Variants in PHF20 observed in about 807,000 individuals in gnomAD.
PHF20 encodes PHD finger protein 20.
PHF20 carries 23 observed loss-of-function variants against 113.5 expected under a neutral mutation model. That is an observed-to-expected ratio of 0.20 (90% CI 0.15 to 0.29). The LOEUF (loss-of-function observed/expected upper bound fraction) is 0.29, where lower values mean the gene tolerates loss of function less well. Ranked by LOEUF, PHF20 falls within the 10% of genes least tolerant of loss-of-function variation. The pLI is 1.00. For missense variants in PHF20, 943 were observed against 1,219.6 expected (o/e 0.77, Z 3.38); for synonymous variants, 434 against 457.3 (o/e 0.95, Z 0.65).
At chr20:35,876,742 G>A (rs956018905) in intron 9 of PHF20, among the ~76,000 whole-genome samples, 42 of 148,774 alleles carry the variant, frequency 2.8e-4, no homozygotes, top group Admixed American at 1.4e-3. Flanking sequence ...AGGCCAAGAC[G>A]GGCAGATCAC....
At chr20:35,773,739 C>T (rs2041113287) in intron 1 of PHF20, among the ~76,000 whole-genome samples, 1 of 152,142 alleles carries the variant, frequency 6.6e-6, no homozygotes, top group African/African-American at 2.4e-5. Context: ...ACTGCCTGGG[C>T]CCCCAGCGCT....
At chr20:35,793,852 G>A (rs1409147477) in intron 1 of PHF20, among the ~76,000 whole-genome samples, 1 of 150,798 alleles carries the variant, frequency 6.6e-6, no homozygotes, top group Non-Finnish European at 1.5e-5. Context: ...ACAAAAATTA[G>A]CCAGGCATGG....
At chr20:35,791,400 C>G (rs2041543940) in intron 1 of PHF20, among the ~76,000 whole-genome samples, 1 of 150,876 alleles carries the variant, frequency 6.6e-6, no homozygotes, top group Non-Finnish European at 1.5e-5. Context: ...ACTAAATGGG[C>G]TGATATAGTT....
chr20:35,923,615 T>C (rs1373182531), intron 13 of PHF20, among the ~76,000 whole-genome samples: 2 of 152,220 alleles, frequency 1.3e-5, no homozygotes, highest in Non-Finnish European at 2.9e-5. Context: ...ACCCATTCCG[T>C]AGAGTCAGCC....
chr20:35,863,114 G>A lies in PHF20; in HGVS notation c.522G>A (p.Val174=), dbSNP rs756119997. The A allele has an allele frequency of 8.7e-6, 14 of 1,613,278 alleles. No homozygotes were observed. Among genetic ancestry groups the A allele is most frequent in the South Asian group, 1.1e-5 (1 of 90,956 alleles). Residue 174 remains valine, a synonymous_variant, in exon 6 of 18, where the codon GTG becomes GTA. Transcript: ENST00000374012. ...EKFKEQRKAT[V]NVKKDKEDKP... ...TTAAAGAACAGAGAAAAGCAACAGT[G>A]AATGTGAAGAAAGACAAAGAAGATA...
rs146244047 is a variant in PHF20, at chr20:35,942,382, TG to T, written c.2896+1337del. Among the ~76,000 whole-genome samples, 1,114 of 152,302 alleles carry T rather than the reference TG, an allele frequency of 7.3e-3. 9 individuals are homozygous for T. Among genetic ancestry groups the T allele is most frequent in the African/African-American group, 0.025 (1,048 of 41,544 alleles). Reference sequence around the variant, plus strand: ...CAAAAAAGTGTAGCTCTTGAGAGAATGGCAGTAGGAGTGGCTCTGTAGTCCC... The same window carrying T: ...CAAAAAAGTGTAGCTCTTGAGAGAATGCAGTAGGAGTGGCTCTGTAGTCCC... On this transcript the variant is annotated intron_variant, in intron 17 of 17. Coordinates refer to ENST00000374012, the MANE Select transcript of PHF20 (RefSeq NM_016436.5).
At chr20:35,797,146 C>G (rs1415000772) in intron 1 of PHF20, among the ~76,000 whole-genome samples, 1 of 151,848 alleles carries the variant, frequency 6.6e-6, no homozygotes, top group African/African-American at 2.4e-5. Context: ...TATACTCAGC[C>G]TCCCAAAGTG....
intron 13 of PHF20, among the ~76,000 whole-genome samples, chr20:35,919,753 TG>T (rs1387123894): frequency 6.6e-6 from 1 of 152,220 alleles, no homozygotes; most frequent in Non-Finnish European, 1.5e-5. Context: ...CAACTAGAGA[TG>T]AGTAGATGTA....
intron 9 of PHF20, among the ~76,000 whole-genome samples, chr20:35,872,950 GT>G (rs1417502340): frequency 1.3e-5 from 2 of 151,968 alleles, no homozygotes; most frequent in South Asian, 2.1e-4. Flanking sequence ...TTTTTGTGGG[GT>G]TTTTTTCCTT....
At chr20:35,911,310 G>A (rs941014600) in intron 10 of PHF20, among the ~76,000 whole-genome samples, 3 of 152,232 alleles carry the variant, frequency 2.0e-5, no homozygotes, top group Admixed American at 1.3e-4. Flanking sequence ...CCAAAGTGCT[G>A]GGATTACCGG....
At chr20:35,880,995 G>A (rs1324053906) in intron 9 of PHF20, among the ~76,000 whole-genome samples, 5 of 140,516 alleles carry the variant, frequency 3.6e-5, no homozygotes, top group South Asian at 2.4e-4. Flanking sequence ...TTTTTAGAAA[G>A]TACTTTTTCT....
chr20:35,811,985 G>A (rs2041987126), intron 2 of PHF20, among the ~76,000 whole-genome samples: 1 of 150,422 alleles, frequency 6.6e-6, no homozygotes, highest in Admixed American at 6.6e-5. Context: ...GTGTTAGCCA[G>A]GATGGTCTCG....
At chr20:35,820,404 T>A (rs2042147208) in intron 2 of PHF20, among the ~76,000 whole-genome samples, 1 of 151,274 alleles carries the variant, frequency 6.6e-6, no homozygotes, top group African/African-American at 2.4e-5. Context: ...TATATATAGA[T>A]AATGTTAGGT....
intron 4 of PHF20, among the ~76,000 whole-genome samples, chr20:35,850,298 T>TTTTTTTTTG (rs1568650488): frequency 1.2e-5 from 1 of 86,886 alleles, no homozygotes; most frequent in African/African-American, 5.7e-5. Context: ...CCCCCTCCGT[T>TTTTTTTTTG]TTTTTTTTTT....
intron 2 of PHF20, among the ~76,000 whole-genome samples, chr20:35,819,038 C>A (rs1474422450): frequency 6.6e-6 from 1 of 151,972 alleles, no homozygotes; most frequent in Non-Finnish European, 1.5e-5. Context: ...TCCAGCGATT[C>A]TCCTGCTTCA....
At chr20:35,858,273 T>G in intron 4 of PHF20, 29 bp from the exon 5 acceptor site, 1 of 1,204,402 alleles carries the variant, frequency 8.3e-7, no homozygotes, top group South Asian at 1.3e-5. Context: ...AATTGTGAGT[T>G]AAAATCATGA....
intron 2 of PHF20, among the ~76,000 whole-genome samples, chr20:35,839,030 A>G (rs1216855557): frequency 6.6e-6 from 1 of 151,660 alleles, no homozygotes; most frequent in African/African-American, 2.4e-5. Flanking sequence ...GTGTAAAGAA[A>G]ATTTCCTGCC....
intron 9 of PHF20, among the ~76,000 whole-genome samples, chr20:35,889,522 C>T (rs967161471): frequency 7.9e-5 from 12 of 151,372 alleles, no homozygotes; most frequent in South Asian, 2.1e-4. Context: ...CCACCACGCC[C>T]GGATAAATTT....
intron 13 of PHF20, 40 bp downstream of exon 13, chr20:35,917,702 A>G (rs755852436): frequency 6.4e-7 from 1 of 1,560,968 alleles, no homozygotes; most frequent in South Asian, 1.2e-5. Flanking sequence ...GAGAAGCACA[A>G]ACTGGTCCTT....
Sources: allele counts gnomAD v4.1 joint callset (sites outside exome capture counted in the v4.1 genomes callset), GRCh38; gene constraint gnomAD v4.1.1; transcripts MANE v1.5; gene names NCBI Gene and HGNC (gene_info 2026-07-23, HGNC 2026-07-21).